Variants in SYNE2 observed in about 807,000 individuals in gnomAD.
The protein encoded by SYNE2 is nesprin-2.
Under a neutral mutation model 856.3 loss-of-function variants are expected in SYNE2, and 431 were observed. The observed-to-expected ratio is 0.50, with a 90% CI of 0.47 to 0.55. SYNE2 has a LOEUF of 0.55. Among genes scored for constraint, SYNE2 ranks in the 20% least tolerant of loss-of-function variants. SYNE2 has a pLI of 0.00. For missense variants in SYNE2, 8,129 were observed against 8,023.2 expected (o/e 1.01, Z -0.50); for synonymous variants, 2,923 against 2,872.3 (o/e 1.02, Z -0.56).
At chr14:64,182,735 G>A (rs1033987196) in intron 96 of SYNE2, among the ~76,000 whole-genome samples, 1 of 152,182 alleles carries the variant, frequency 6.6e-6, no homozygotes, top group Admixed American at 6.5e-5. Context: ...GCATCCCAAG[G>A]CAGAATTTTT....
At chr14:63,896,988 A>G (rs1566741418) in intron 1 of SYNE2, among the ~76,000 whole-genome samples, 1 of 152,182 alleles carries the variant, frequency 6.6e-6, no homozygotes, top group Non-Finnish European at 1.5e-5. Flanking sequence ...GCAGTGGCTC[A>G]CACCTGTAAT....
At chr14:64,035,868 ATT>A (rs547061262) in intron 45 of SYNE2, among the ~76,000 whole-genome samples, 11 of 130,166 alleles carry the variant, frequency 8.5e-5, no homozygotes, top group Non-Finnish European at 5.0e-5. Context: ...TAATTTTTGT[ATT>A]TTTTTTTTTT....
chr14:64,048,457 C>T (rs1200723852), intron 46 of SYNE2: 1 of 225,196 alleles, frequency 4.4e-6, no homozygotes, highest in African/African-American at 2.3e-5. Flanking sequence ...AGTATATATT[C>T]TTCTGATTCT....
intron 84 of SYNE2, among the ~76,000 whole-genome samples, chr14:64,151,420 TAAAAAAAAAAA>T (rs540541655): frequency 1.0e-4 from 2 of 19,324 alleles, no homozygotes; most frequent in Non-Finnish European, 1.8e-4. Context: ...ACAAAGGATT[TAAAAAAAAAAA>T]AAAAAAAAAA....
At chr14:63,875,838 C>A (rs560858707) in intron 1 of SYNE2, among the ~76,000 whole-genome samples, 1 of 152,140 alleles carries the variant, frequency 6.6e-6, no homozygotes, top group African/African-American at 2.4e-5. Context: ...CGAAGGGAGG[C>A]GTCACTGCCC....
chr14:63,810,599 G>A (rs1280967510), intron 1 of SYNE2, among the ~76,000 whole-genome samples: 2 of 152,080 alleles, frequency 1.3e-5, no homozygotes, highest in Non-Finnish European at 2.9e-5. Flanking sequence ...AGATCAAGCA[G>A]AACAAGAGTT....
rs997366545 is a variant in SYNE2, at chr14:63,982,399, C to G, written c.1837-231C>G. Among the ~76,000 whole-genome samples, 5 of 151,572 alleles carry G rather than the reference C, an allele frequency of 3.3e-5. No homozygotes were observed. In the South Asian group the frequency reaches 6.2e-4, roughly 19 times the overall value. Reference sequence around the variant, plus strand: ...AGACCAACAGGGATGGCAGACTCCTCTAAGGGGAAAGTCAGTCTCTGCAAA... The same window carrying G: ...AGACCAACAGGGATGGCAGACTCCTGTAAGGGGAAAGTCAGTCTCTGCAAA... On this transcript the variant is annotated intron_variant, in intron 16 of 115. Transcript: ENST00000555002.
At chr14:63,906,137 C>T (rs1293977229) in intron 1 of SYNE2, among the ~76,000 whole-genome samples, 2 of 152,172 alleles carry the variant, frequency 1.3e-5, no homozygotes, top group African/African-American at 4.8e-5. Flanking sequence ...ACCAACCTTG[C>T]ATCCCAGGAA....
In SYNE2 at chr14:64,031,143, A is replaced by G; in HGVS notation, c.7007A>G (p.Gln2336Arg). 1 of 1,614,214 alleles carries G rather than the reference A, an allele frequency of 6.2e-7. No individual in the cohort carries two copies. Among genetic ancestry groups the G allele is most frequent in the Non-Finnish European group, 8.5e-7 (1 of 1,180,008 alleles). The change falls in exon 45 of 116, where the codon CAG becomes CGG. Residue 2336 changes from glutamine (Q) to arginine (R), a missense_variant. Coordinates refer to ENST00000555002, the MANE Select transcript of SYNE2 (RefSeq NM_182914.3). The stretch of plus-strand genomic sequence containing the variant: ...ATTAAAGATGATATAAAATCACTTC[A>G]GTGTAAACAAAAAGATTTGGAAAAC... ...KIIKDDIKSL[Q>R]CKQKDLENRL...
At chr14:63,856,011 TAA>T (rs1323843210) in intron 1 of SYNE2, among the ~76,000 whole-genome samples, 7 of 152,070 alleles carry the variant, frequency 4.6e-5, no homozygotes, top group Non-Finnish European at 7.4e-5. Context: ...TGTTGTGGCA[TAA>T]GAGGTTGTAG....
In SYNE2 at chr14:64,202,971, A is replaced by G; in HGVS notation, c.18201+8A>G. Reference sequence around the variant, plus strand: ...AGGCTCGCTGAGCAGCAGGTGGGACAATCAGAAATGAGCTCTTGCAAGAGT... The same window carrying G: ...AGGCTCGCTGAGCAGCAGGTGGGACGATCAGAAATGAGCTCTTGCAAGAGT... On this transcript the variant is annotated splice_region_variant and intron_variant, in intron 100 of 115. Transcript: ENST00000555002. 6.2e-7 allele frequency: 1 copy of G among 1,614,062 alleles called. No individual in the cohort carries two copies.
chr14:63,864,213 T>C (rs1354838468), intron 1 of SYNE2, among the ~76,000 whole-genome samples: 2 of 152,252 alleles, frequency 1.3e-5, no homozygotes, highest in Non-Finnish European at 2.9e-5. Context: ...TTTGATGATG[T>C]TGAGTAAGAA....
intron 2 of SYNE2, among the ~76,000 whole-genome samples, chr14:63,927,899 A>T (rs1420380432): frequency 1.3e-5 from 2 of 152,074 alleles, no homozygotes; most frequent in African/African-American, 4.8e-5. Context: ...CTGAAAAAAA[A>T]AAACATGCCT....
At chr14:64,139,132 G>T (rs2098120896) in intron 79 of SYNE2, among the ~76,000 whole-genome samples, 1 of 151,720 alleles carries the variant, frequency 6.6e-6, no homozygotes, top group Non-Finnish European at 1.5e-5. Flanking sequence ...CACAGCACAT[G>T]CCACCACGCC....
intron 6 of SYNE2, among the ~76,000 whole-genome samples, chr14:63,943,258 C>T (rs1298568337): frequency 2.6e-5 from 4 of 152,126 alleles, no homozygotes; most frequent in Admixed American, 6.5e-5. Context: ...AGCTCTTATG[C>T]GAGGACATCA....
intron 19 of SYNE2, among the ~76,000 whole-genome samples, chr14:63,987,952 A>AC (rs1415128109): frequency 6.6e-6 from 1 of 152,212 alleles, no homozygotes; most frequent in Non-Finnish European, 1.5e-5. Flanking sequence ...TGGTTTTTAA[A>AC]CAGAGTTGTA....
intron 84 of SYNE2, among the ~76,000 whole-genome samples, chr14:64,150,076 A>G (rs1240657271): frequency 3.6e-5 from 5 of 140,562 alleles, no homozygotes; most frequent in Admixed American, 7.4e-5. Context: ...CAGTGTTGCA[A>G]TCATAACTCA....
intron 1 of SYNE2, among the ~76,000 whole-genome samples, chr14:63,895,590 CAAAAAAA>C (rs34613830): frequency 1.4e-4 from 12 of 88,398 alleles, no homozygotes; most frequent in African/African-American, 3.8e-4. Flanking sequence ...CTGTCTCTAT[CAAAAAAA>C]AAAAAAAAAA....
At chr14:63,972,432 A>G (rs904961960) in intron 11 of SYNE2, among the ~76,000 whole-genome samples, 1 of 152,144 alleles carries the variant, frequency 6.6e-6, no homozygotes, top group Non-Finnish European at 1.5e-5. Flanking sequence ...ACTGCAGCTC[A>G]GTTTCTTGGT....
Sources: allele counts gnomAD v4.1 joint callset (sites outside exome capture counted in the v4.1 genomes callset), GRCh38; gene constraint gnomAD v4.1.1; transcripts MANE v1.5; gene names NCBI Gene and HGNC (gene_info 2026-07-23, HGNC 2026-07-21).